MXI1: variants seen among roughly 807,000 people sequenced by gnomAD.
MXI1 encodes the protein max-interacting protein 1.
MXI1 carries 18 observed loss-of-function variants against 36.9 expected under a neutral mutation model. The ratio of observed to expected loss-of-function variants is 0.49; its 90% CI spans 0.34 to 0.72. MXI1 has a LOEUF of 0.72. Ranked by LOEUF, MXI1 falls within the 30% of genes least tolerant of loss-of-function variation. The probability of loss-of-function intolerance (pLI) is 0.01; values close to 1 mark genes in which losing one functional copy is unlikely to be tolerated. For synonymous variants in MXI1, 160 were observed against 146.7 expected (o/e 1.09, Z -0.65); for missense variants, 304 against 379.1 (o/e 0.80, Z 1.64).
chr10:110,228,144 G>A (rs1241218696), intron 1 of MXI1, 45 bp from the exon 2 acceptor site: 1 of 1,604,956 alleles, frequency 6.2e-7, no homozygotes, highest in Non-Finnish European at 8.5e-7. Context: ...ATGGATTTGG[G>A]TACTATATTC....
chr10:110,273,241 G>T (rs1292258037), intron 3 of MXI1, among the ~76,000 whole-genome samples: 1 of 151,738 alleles, frequency 6.6e-6, no homozygotes, highest in Admixed American at 6.6e-5. Flanking sequence ...TAGAGATGGG[G>T]TTTCACCGTG....
chr10:110,238,713 T>A (rs202036563), intron 2 of MXI1, among the ~76,000 whole-genome samples: 3 of 149,698 alleles, frequency 2.0e-5, no homozygotes, highest in Non-Finnish European at 3.0e-5. Flanking sequence ...AAGGTTTTTT[T>A]AAAAATTATT....
chr10:110,240,448 G>A (rs147478527), intron 2 of MXI1, among the ~76,000 whole-genome samples: 1 of 152,050 alleles, frequency 6.6e-6, no homozygotes, highest in Non-Finnish European at 1.5e-5. Context: ...TAAGAAAGAA[G>A]CAATACATTT....
chr10:110,256,253 T>C (rs538598177), intron 3 of MXI1, among the ~76,000 whole-genome samples: 9 of 152,038 alleles, frequency 5.9e-5, no homozygotes, highest in Non-Finnish European at 1.2e-4. Context: ...GGCATTGGTT[T>C]TTTACATATG....
chr10:110,230,653 G>T (rs1034081269), intron 2 of MXI1, among the ~76,000 whole-genome samples: 2 of 152,198 alleles, frequency 1.3e-5, no homozygotes, highest in African/African-American at 4.8e-5. Context: ...CTGCTTCATG[G>T]AAGTAAGGAG....
At chr10:110,276,813 A>G (rs1857048949) in intron 3 of MXI1, among the ~76,000 whole-genome samples, 1 of 149,526 alleles carries the variant, frequency 6.7e-6, no homozygotes, top group South Asian at 2.1e-4. Flanking sequence ...TTATGGAATC[A>G]TTTTGATTTT....
In MXI1 at chr10:110,207,898, G is replaced by T; in HGVS notation, c.90G>T (p.Val30=). Residue 30 remains valine, a synonymous_variant, in exon 1 of 6, where the codon GTG becomes GTT. Coordinates refer to ENST00000332674, the MANE Select transcript of MXI1 (RefSeq NM_130439.3). ...PAAPPAVPPA[V]AAPQPPALPE... ...CGCCCCCGGCTGTGCCCCCCGCCGT[G>T]GCCGCGCCCCAGCCCCCGGCCCTGC... The T allele has an allele frequency of 7.2e-7, 1 of 1,395,170 alleles. No individual in the cohort carries two copies. The highest frequency in any genetic ancestry group is 3.0e-5 in the Admixed American group (1 of 32,972). 86.4% of individuals were successfully genotyped at this position (1,395,170 alleles called of 1,614,324 possible).
chr10:110,238,888 A>C (rs1427846945), intron 2 of MXI1, among the ~76,000 whole-genome samples: 2 of 152,176 alleles, frequency 1.3e-5, no homozygotes, highest in Non-Finnish European at 1.5e-5. Flanking sequence ...ATATTCTCTT[A>C]TCCTTTTAAT....
At chr10:110,259,786 A>T (rs1269749356) in intron 3 of MXI1, among the ~76,000 whole-genome samples, 4 of 152,060 alleles carry the variant, frequency 2.6e-5, no homozygotes, top group African/African-American at 9.7e-5. Flanking sequence ...TGTCAATCCC[A>T]TGACAGTGAA....
At chr10:110,208,358 G>A (rs1274761109) in intron 1 of MXI1, 4 of 315,776 alleles carry the variant, frequency 1.3e-5, no homozygotes, top group Non-Finnish European at 2.4e-5. Flanking sequence ...GAGGAGCGGG[G>A]GAGTGTTGTT....
chr10:110,211,036 T>C (rs1854499064), intron 1 of MXI1, among the ~76,000 whole-genome samples: 1 of 151,304 alleles, frequency 6.6e-6, no homozygotes, highest in Admixed American at 6.6e-5. Context: ...TTAGTAGTTA[T>C]TATTGGGGGT....
intron 1 of MXI1, chr10:110,226,418 G>A: frequency 9.1e-7 from 1 of 1,094,580 alleles, no homozygotes; most frequent in Non-Finnish European, 1.1e-6. Flanking sequence ...GGGGAGGGGT[G>A]TGCGCGCGTG....
intron 1 of MXI1, among the ~76,000 whole-genome samples, chr10:110,213,543 G>A (rs1414546696): frequency 6.6e-6 from 1 of 152,158 alleles, no homozygotes; most frequent in Non-Finnish European, 1.5e-5. Context: ...CTGCTGACTG[G>A]TAAATACCAG....
chr10:110,283,050 T>G (rs1564728430), intron 5 of MXI1, among the ~76,000 whole-genome samples: 1 of 152,078 alleles, frequency 6.6e-6, no homozygotes, highest in Non-Finnish European at 1.5e-5. Context: ...CTTCTAGTTG[T>G]AGGTTGGATG....
At chr10:110,230,917 T>G (rs1002526810) in intron 2 of MXI1, among the ~76,000 whole-genome samples, 4 of 152,226 alleles carry the variant, frequency 2.6e-5, no homozygotes, top group African/African-American at 9.6e-5. Flanking sequence ...GCTACTAGTG[T>G]GGAAGTAGCT....
intron 1 of MXI1, among the ~76,000 whole-genome samples, chr10:110,215,084 C>G (rs1250598475): frequency 7.2e-6 from 1 of 138,510 alleles, no homozygotes; most frequent in Non-Finnish European, 1.5e-5. Context: ...CTCTGTTGCC[C>G]AGGCTGGAGT....
intron 2 of MXI1, among the ~76,000 whole-genome samples, chr10:110,230,658 A>G (rs958510301): frequency 2.6e-5 from 4 of 152,232 alleles, no homozygotes; most frequent in Non-Finnish European, 5.9e-5. Context: ...TCATGGAAGT[A>G]AGGAGAGCTG....
At chr10:110,279,863 A>G in intron 4 of MXI1, 51 bp from the exon 5 acceptor site, 1 of 1,383,188 alleles carries the variant, frequency 7.2e-7, no homozygotes, top group Non-Finnish European at 9.7e-7. Flanking sequence ...AATCAGTTTT[A>G]TTGTTTGTAC....
chr10:110,239,882 CCT>C (rs1161718863), intron 2 of MXI1, among the ~76,000 whole-genome samples: 2 of 151,586 alleles, frequency 1.3e-5, no homozygotes, highest in African/African-American at 4.8e-5. Context: ...TTAGAAGCCC[CCT>C]CCTGACTTTT....
Sources: allele counts gnomAD v4.1 joint callset (sites outside exome capture counted in the v4.1 genomes callset), GRCh38; gene constraint gnomAD v4.1.1; transcripts MANE v1.5; gene names NCBI Gene and HGNC (gene_info 2026-07-23, HGNC 2026-07-21).